Variants in PDE9A observed in about 807,000 individuals in gnomAD.
PDE9A encodes phosphodiesterase 9A.
PDE9A carries 60 observed loss-of-function variants against 87.4 expected under a neutral mutation model. The observed-to-expected ratio is 0.69, with a 90% CI of 0.56 to 0.85. The LOEUF (loss-of-function observed/expected upper bound fraction) is 0.85, where lower values mean the gene tolerates loss of function less well. Among genes scored for constraint, PDE9A ranks in the 40% least tolerant of loss-of-function variants. The pLI is 0.00. For missense variants in PDE9A, 665 were observed against 779.0 expected (o/e 0.85, Z 1.74); for synonymous variants, 272 against 279.4 (o/e 0.97, Z 0.27).
At chr21:42,726,297 G>A (rs1406641640) in intron 4 of PDE9A, among the ~76,000 whole-genome samples, 1 of 151,978 alleles carries the variant, frequency 6.6e-6, no homozygotes, top group African/African-American at 2.4e-5. Context: ...CTTTCTCTGA[G>A]CGAAAATTTT....
chr21:42,694,429 C>G lies in PDE9A; in HGVS notation c.219-4539C>G, dbSNP rs1201389354. 6.6e-6 allele frequency among the ~76,000 whole-genome samples: 1 copy of G among 152,166 alleles called. No individual in the cohort carries two copies. The highest frequency in any genetic ancestry group is 1.5e-5 in the Non-Finnish European group (1 of 68,036). ...AGCTTGCTTGGATTCTTCCCAGATT[C>G]ACAGCCATAGGGTGGGCGTTTCATG... On this transcript the variant is annotated intron_variant, in intron 3 of 19. Transcript: ENST00000291539. This position sits in a 1 kb window ranked among gnomAD's most constrained non-coding sequence, Gnocchi z 5.3.
intron 1 of PDE9A, among the ~76,000 whole-genome samples, chr21:42,677,075 GC>G (rs1480146525): frequency 6.6e-6 from 1 of 152,160 alleles, no homozygotes; most frequent in African/African-American, 2.4e-5. Context: ...AAGACAGGCT[GC>G]CCTTCTCTCC....
chr21:42,751,155 C>T lies in PDE9A; in HGVS notation c.693C>T (p.His231=), dbSNP rs1476017800. Residue 231 remains histidine, a synonymous_variant, in exon 9 of 20, where the codon CAC becomes CAT. Coordinates refer to ENST00000291539, the MANE Select transcript of PDE9A (RefSeq NM_002606.3). ...CPCKYSFLDN[H]KKLTPRRDVP... is the part of the protein sequence containing the mutation. ...GTAAGTACAGTTTTTTGGATAACCA[C>T]AAGAAGTTGACTCCTCGACGCGATG... 3.7e-6 allele frequency: 6 copies of T among 1,613,310 alleles called. No individual in the cohort carries two copies. Among genetic ancestry groups the T allele is most frequent in the Non-Finnish European group, 5.1e-6 (6 of 1,179,272 alleles).
intron 4 of PDE9A, among the ~76,000 whole-genome samples, chr21:42,730,900 C>A (rs868281219): frequency 6.6e-6 from 1 of 152,128 alleles, no homozygotes; most frequent in Non-Finnish European, 1.5e-5. Flanking sequence ...AGCTTCTGAG[C>A]CCCATTGCCA....
At chr21:42,717,646 C>T (rs2050080006) in intron 4 of PDE9A, among the ~76,000 whole-genome samples, 1 of 150,524 alleles carries the variant, frequency 6.6e-6, no homozygotes, top group Non-Finnish European at 1.5e-5. Context: ...CCCACCTCGG[C>T]CTCCCAAAGT....
At chr21:42,743,979 C>A in intron 8 of PDE9A, 119 bp downstream of exon 8, 1 of 673,068 alleles carries the variant, frequency 1.5e-6, no homozygotes, top group Non-Finnish European at 2.7e-6. Context: ...CGGTACAGTT[C>A]AGGCTTGGGA....
intron 7 of PDE9A, among the ~76,000 whole-genome samples, chr21:42,738,053 G>A (rs1219748360): frequency 6.6e-6 from 1 of 152,178 alleles, no homozygotes; most frequent in Non-Finnish European, 1.5e-5. Flanking sequence ...GGCTGGAGGT[G>A]AAACATTAAA....
chr21:42,696,048 G>A lies in PDE9A; in HGVS notation c.219-2920G>A, dbSNP rs1451472537. ...CCACTTTTCCCTCTGTTGCTGATGTGATGGCTCCTGCCCTCAGCTTACCAG... is the reference window on the plus strand; with the variant it reads ...CCACTTTTCCCTCTGTTGCTGATGTAATGGCTCCTGCCCTCAGCTTACCAG... On this transcript the variant is annotated intron_variant, in intron 3 of 19. Transcript: ENST00000291539. The surrounding 1 kb of genome is among the most constrained non-coding windows in gnomAD (Gnocchi z 5.1). Among the ~76,000 whole-genome samples, 1 of 152,182 alleles carries A rather than the reference G, an allele frequency of 6.6e-6. No homozygotes were observed. Among genetic ancestry groups the A allele is most frequent in the Non-Finnish European group, 1.5e-5 (1 of 68,038 alleles).
At chr21:42,769,601 CAAA>C (rs2056798204) in intron 17 of PDE9A, among the ~76,000 whole-genome samples, 1 of 146,530 alleles carries the variant, frequency 6.8e-6, no homozygotes. Flanking sequence ...CACAGGCACA[CAAA>C]TGCACATGCA....
chr21:42,661,436 A>G (rs1164926165), intron 1 of PDE9A, among the ~76,000 whole-genome samples: 2 of 119,150 alleles, frequency 1.7e-5, no homozygotes, highest in East Asian at 5.0e-4. Context: ...TCCGCTTTCT[A>G]TCTCCATGAA....
At chr21:42,756,064 GGC>G (rs1157950276) in intron 10 of PDE9A, among the ~76,000 whole-genome samples, 4 of 152,232 alleles carry the variant, frequency 2.6e-5, no homozygotes, top group Non-Finnish European at 5.9e-5. Context: ...CTGCTCTCGG[GGC>G]TGGCAGGTGG....
intron 3 of PDE9A, chr21:42,697,627 G>T: frequency 1.4e-6 from 1 of 707,850 alleles, no homozygotes; most frequent in South Asian, 1.7e-5. Flanking sequence ...GGTGTGGGCA[G>T]GTTCTGTTCC....
intron 13 of PDE9A, among the ~76,000 whole-genome samples, chr21:42,761,172 C>T (rs2055722032): frequency 6.6e-6 from 1 of 152,256 alleles, no homozygotes; most frequent in African/African-American, 2.4e-5. Context: ...GGCTCAGGTG[C>T]ACGGCAGATC....
chr21:42,751,647 T>C (rs1426727613), intron 9 of PDE9A, among the ~76,000 whole-genome samples: 3 of 152,072 alleles, frequency 2.0e-5, no homozygotes, highest in South Asian at 2.1e-4. Context: ...GAAGTAGCAA[T>C]GGCATTTTTG....
chr21:42,679,299 C>A (rs112215353), intron 1 of PDE9A, among the ~76,000 whole-genome samples: 1 of 152,208 alleles, frequency 6.6e-6, no homozygotes, highest in Non-Finnish European at 1.5e-5. Context: ...GATTTCCACT[C>A]GGAACCCTGA....
intron 1 of PDE9A, among the ~76,000 whole-genome samples, chr21:42,673,568 C>G (rs921585233): frequency 6.6e-6 from 1 of 152,144 alleles, no homozygotes; most frequent in Non-Finnish European, 1.5e-5. Context: ...AACAGTTGGG[C>G]AAATCATAAT....
At chr21:42,743,885 G>A in intron 8 of PDE9A, 25 bp downstream of exon 8, 1 of 1,455,878 alleles carries the variant, frequency 6.9e-7, no homozygotes, top group Non-Finnish European at 9.5e-7. Context: ...GGGGCCACGG[G>A]CGGCCGGGCC....
chr21:42,711,281 G>A (rs1297447499), intron 4 of PDE9A, among the ~76,000 whole-genome samples: 2 of 144,108 alleles, frequency 1.4e-5, no homozygotes, highest in Non-Finnish European at 3.0e-5. Flanking sequence ...TTTGAGACAA[G>A]GTTTCTTGTT....
In PDE9A at chr21:42,769,023, G is replaced by A. The variant is rs199703602; in HGVS notation, c.1462-4G>A. The A allele has an allele frequency of 6.2e-7, 1 of 1,608,868 alleles. No individual in the cohort carries two copies. The highest frequency in any genetic ancestry group is 8.5e-7 in the Non-Finnish European group (1 of 1,176,350). ...AATGTCACTGTCTGCTGCATTCCCTGCAGAGCGACCGTGAGAAGTCAGAAG... is the reference window on the plus strand; with the variant it reads ...AATGTCACTGTCTGCTGCATTCCCTACAGAGCGACCGTGAGAAGTCAGAAG... On this transcript the variant is annotated splice_polypyrimidine_tract_variant and splice_region_variant and intron_variant, in intron 16 of 19. Coordinates refer to ENST00000291539, the MANE Select transcript of PDE9A (RefSeq NM_002606.3).
Sources: gnomAD v4.1 joint callset for allele counts (sites outside exome capture counted in the v4.1 genomes callset) on GRCh38, gnomAD v4.1.1 for gene constraint, Gnocchi (gnomAD v3.1) non-coding constraint, MANE v1.5 for transcripts, NCBI Gene and HGNC (gene_info 2026-07-23, HGNC 2026-07-21) for gene names.